Variants in BOD1L1 observed in about 807,000 individuals in gnomAD.
The protein encoded by BOD1L1 is biorientation of chromosomes in cell division protein 1-like 1.
BOD1L1 carries 86 observed loss-of-function variants against 240.7 expected under a neutral mutation model. That is an observed-to-expected ratio of 0.36 (90% CI 0.30 to 0.43). BOD1L1 has a LOEUF of 0.43. BOD1L1 is among the 20% of genes least tolerant of loss of function. BOD1L1 has a pLI of 1.00. For missense variants in BOD1L1, 3,554 were observed against 3,643.5 expected, an observed-to-expected ratio of 0.98 and a Z score of 0.63; for synonymous variants, 1,268 against 1,272.3, an observed-to-expected ratio of 1.00 and a Z score of 0.07.
intron 25 of BOD1L1, among the ~76,000 whole-genome samples, chr4:13,573,418 A>ATCTGTCTG (rs762800220): frequency 2.0e-3 from 256 of 131,156 alleles, no homozygotes; most frequent in Middle Eastern, 4.0e-3. Context: ...GCTTCTATCT[A>ATCTGTCTG]TCTGTCTGTC....
In BOD1L1 at chr4:13,601,341, G is replaced by A; in HGVS notation, c.5559C>T (p.Gly1853=). 6.2e-7 allele frequency: 1 copy of A among 1,613,930 alleles called. No homozygotes were observed. The highest frequency in any genetic ancestry group is 8.5e-7 in the Non-Finnish European group (1 of 1,179,900). The change falls in exon 10 of 26, where the codon GGC becomes GGT. Residue 1853 remains glycine (G), a synonymous_variant. Coordinates refer to ENST00000040738, the MANE Select transcript of BOD1L1 (RefSeq NM_148894.3). ...LVAAGPCDDE[G]IVTSTGAKEE... is the part of the protein sequence containing the mutation. ...CTTTTGCGCCTGTGCTAGTCACAAT[G>A]CCTTCATCATCACAAGGACCAGCAG...
chr4:13,597,984 A>ACACTTT (rs1714758129), intron 10 of BOD1L1, among the ~76,000 whole-genome samples: 1 of 152,196 alleles, frequency 6.6e-6, no homozygotes, highest in Non-Finnish European at 1.5e-5. Flanking sequence ...CAATTTATAT[A>ACACTTT]GCCAGAGTGG....
intron 10 of BOD1L1, among the ~76,000 whole-genome samples, chr4:13,598,609 T>C (rs757145103): frequency 2.0e-5 from 3 of 152,150 alleles, no homozygotes; most frequent in Admixed American, 6.5e-5. Flanking sequence ...TTCTTTTTGA[T>C]TGACAAAAAA....
chr4:13,605,987 C>A (rs1003371558), intron 9 of BOD1L1, among the ~76,000 whole-genome samples: 1 of 152,154 alleles, frequency 6.6e-6, no homozygotes, highest in Non-Finnish European at 1.5e-5. Flanking sequence ...TTCAATAATA[C>A]TCACTGACTA....
Position 13,604,929 on chromosome 4 carries a change from C to T in BOD1L1, c.1971G>A (p.Arg657=). ...ESKLEREHKR[R]TSTPVIMEGV... is the part of the protein sequence containing the mutation. ...CCTCCATGATAACAGGGGTAGATGT[C>T]CGTCTTTTATGTTCTCTTTCTAATT... The change falls in exon 10 of 26, where the codon CGG becomes CGA. Residue 657 remains arginine, a synonymous_variant. Transcript: ENST00000040738. The T allele has an allele frequency of 6.2e-7, 1 of 1,613,556 alleles. No individual in the cohort carries two copies. The highest frequency in any genetic ancestry group is 1.1e-5 in the South Asian group (1 of 91,040).
intron 1 of BOD1L1, chr4:13,624,102 A>G (rs1469997098): frequency 1.3e-5 from 2 of 152,178 alleles, no homozygotes; most frequent in Non-Finnish European, 2.9e-5. Context: ...TCAAATTAAA[A>G]TCTACCTAAT....
Position 13,604,034 on chromosome 4 carries a change from G to T in BOD1L1, c.2866C>A (p.Arg956Ser). 6.2e-7 allele frequency: 1 copy of T among 1,613,792 alleles called. No homozygotes were observed. The highest frequency in any genetic ancestry group is 8.5e-7 in the Non-Finnish European group (1 of 1,179,854). ...NTEENDSEKQ[R>S]KSKVEDKPFE... The stretch of plus-strand genomic sequence containing the variant: ...GGTTTGTCTTCAACTTTAGACTTAC[G>T]CTGTTTTTCTGAGTCATTTTCTTCT... The change falls in exon 10 of 26, where the codon CGT becomes AGT. Residue 956 changes from arginine to serine, a missense_variant. By Grantham distance (110) the Arg-to-Ser change is moderately radical (BLOSUM62 -1). This residue lies in a region of BOD1L1 where 3,393 missense variants were observed against 3,427.1 expected (regional missense o/e 0.99). Coordinates refer to ENST00000040738, the MANE Select transcript of BOD1L1 (RefSeq NM_148894.3).
In BOD1L1 at chr4:13,586,712, TGAA is replaced by T. The variant is rs1315362772; in HGVS notation, c.8354-240_8354-238del. On this transcript the variant is annotated intron_variant, in intron 16 of 25. Transcript: ENST00000040738. ...TCCCCATATGTTCACATGACACCAA[TGAA>T]GTAGTGGGTTCTATGGGAAGGGCTT... is the stretch of plus-strand genomic sequence containing the variant. Among the ~76,000 whole-genome samples, 60 of 152,178 alleles carry T rather than the reference TGAA, an allele frequency of 3.9e-4. 1 individual carries two copies. The highest frequency in any genetic ancestry group is 2.4e-4 in the Non-Finnish European group (16 of 68,032).
rs767721553 is a variant in BOD1L1 at position 13,581,154 on chromosome 4, A to C, written c.8646T>G (p.Pro2882=). The C allele has an allele frequency of 1.6e-5, 26 of 1,577,142 alleles. No homozygotes were observed. In the East Asian group the frequency reaches 5.9e-4, roughly 36 times the overall value. Residue 2882 remains proline (P), a synonymous_variant, in exon 20 of 26, where the codon CCT becomes CCG. Coordinates refer to ENST00000040738, the MANE Select transcript of BOD1L1 (RefSeq NM_148894.3). ...TACTCATTTTTAACGTTGTTTCTAC[A>C]GGGTATTTGCGAGGTCTTCCTCTTT... ...KRKRGRPRKY[P]VETTLKMKDD... is the part of the protein sequence containing the mutation.
At chr4:13,578,767 T>C (rs186253668) in intron 22 of BOD1L1, among the ~76,000 whole-genome samples, 7 of 152,254 alleles carry the variant, frequency 4.6e-5, no homozygotes, top group African/African-American at 1.2e-4. Flanking sequence ...TCCCAGCCTA[T>C]AGTCTGAACA....
In BOD1L1 at chr4:13,614,333, A is replaced by C. The variant is rs1048413406; in HGVS notation, c.1037T>G (p.Phe346Cys). The C allele has an allele frequency of 5.2e-6, 8 of 1,550,084 alleles. No individual in the cohort carries two copies. In the African/African-American group the frequency reaches 9.6e-5, roughly 19 times the overall value. ...KEKKEKTEKK[F>C]DHSKKSEDTQ... ...ATCTTCACTCTTTTTTGAGTGATCAAATTTCTTTTCAGTCTTTTCCTTCTT... is the reference window on the plus strand; with the variant it reads ...ATCTTCACTCTTTTTTGAGTGATCACATTTCTTTTCAGTCTTTTCCTTCTT... Residue 346 changes from phenylalanine to cysteine, a missense_variant, in exon 4 of 26, where the codon TTT becomes TGT. Phe to Cys is a radical substitution (Grantham distance 205). This residue lies in a region of BOD1L1 where 3,393 missense variants were observed against 3,427.1 expected (regional missense o/e 0.99). Coordinates refer to ENST00000040738, the MANE Select transcript of BOD1L1 (RefSeq NM_148894.3).
intron 25 of BOD1L1, among the ~76,000 whole-genome samples, chr4:13,571,266 G>A (rs1485830173): frequency 1.3e-5 from 2 of 152,192 alleles, no homozygotes; most frequent in Non-Finnish European, 2.9e-5. Context: ...GGCAGTAAAT[G>A]TCCTGTCAAT....
In BOD1L1 at chr4:13,613,990, A is replaced by G. The variant is rs1473839935; in HGVS notation, c.1174+206T>C. Among the ~76,000 whole-genome samples, 6 of 152,210 alleles carry G rather than the reference A, an allele frequency of 3.9e-5. No homozygotes were observed. Among genetic ancestry groups the G allele is most frequent in the African/African-American group, 1.4e-4 (6 of 41,464 alleles). Reference sequence around the variant, plus strand: ...AAATTATAAGACAAATTATAAATTAATAACTTCTGTTAATTTACTCTGTGA... The same window carrying G: ...AAATTATAAGACAAATTATAAATTAGTAACTTCTGTTAATTTACTCTGTGA... On this transcript the variant is annotated intron_variant, in intron 4 of 25. Transcript: ENST00000040738. The surrounding 1 kb of genome is among the most constrained non-coding windows in gnomAD (Gnocchi z 4.0).
rs756383318 is a variant in BOD1L1 at position 13,599,275 on chromosome 4, A to T, written c.7625T>A (p.Val2542Asp). ...GGAATGCTCAGCCACGGTCCCTTGA[A>T]CAGGTGGCATGTCATCAGCTTTTAT... ...GAIKADDMPP[V>D]QGTVAEHSFL... is the part of the protein sequence containing the mutation. The change falls in exon 10 of 26, where the codon GTT becomes GAT. Residue 2542 changes from valine (V) to aspartate (D), a missense_variant. Val to Asp is a radical substitution (Grantham distance 152). Transcript: ENST00000040738. 1.1e-5 allele frequency: 18 copies of T among 1,613,588 alleles called. No individual in the cohort carries two copies. The highest frequency in any genetic ancestry group is 1.5e-5 in the Non-Finnish European group (18 of 1,179,742).
intron 14 of BOD1L1, among the ~76,000 whole-genome samples, chr4:13,589,774 G>A (rs1461385309): frequency 6.6e-6 from 1 of 152,190 alleles, no homozygotes; most frequent in Non-Finnish European, 1.5e-5. Context: ...GGGCACATAG[G>A]TGTTTATTAC....
chr4:13,582,809 G>C, intron 17 of BOD1L1, 73 bp from the exon 18 acceptor site: 4 of 1,042,558 alleles, frequency 3.8e-6, no homozygotes, highest in South Asian at 1.5e-5. Context: ...CCCCACACAA[G>C]TTTGCCTTTC....
chr4:13,618,016 TAATCACTGAC>T (rs1716747868), intron 2 of BOD1L1, among the ~76,000 whole-genome samples: 1 of 152,174 alleles, frequency 6.6e-6, no homozygotes, highest in Admixed American at 6.5e-5. Flanking sequence ...CTCCAGCATT[TAATCACTGAC>T]ACAGCCACAA....
chr4:13,573,519 A>T (rs552437425), intron 25 of BOD1L1, among the ~76,000 whole-genome samples: 1,380 of 132,474 alleles, frequency 0.01, 37 homozygotes, highest in African/African-American at 0.036. Flanking sequence ...CTATCTATCT[A>T]TCTTTCTTTC....
chr4:13,605,722 C>G (rs1210982421), intron 9 of BOD1L1, among the ~76,000 whole-genome samples: 1 of 152,076 alleles, frequency 6.6e-6, no homozygotes, highest in Admixed American at 6.6e-5. Flanking sequence ...ATATAGATTT[C>G]CTATATTTTA....
Sources: allele counts gnomAD v4.1 joint callset (sites outside exome capture counted in the v4.1 genomes callset), GRCh38; gene constraint gnomAD v4.1.1; regional missense constraint gnomAD v4.1.1; non-coding constraint Gnocchi (gnomAD v3.1); transcripts MANE v1.5; gene names NCBI Gene and HGNC (gene_info 2026-07-23, HGNC 2026-07-21).